The following MDFIC2 variants were observed in gnomAD, a reference collection of about 807,000 sequenced individuals.
MDFIC2 encodes MyoD family inhibitor domain containing 2, also known as myoD family inhibitor domain-containing protein 2.
intron 2 of MDFIC2, among the ~76,000 whole-genome samples, chr3:70,220,909 G>A (rs1452007890): frequency 6.6e-6 from 1 of 152,120 alleles, no homozygotes; most frequent in Non-Finnish European, 1.5e-5. Flanking sequence ...GCATTCCTGA[G>A]CTTAGCACAG....
At chr3:70,200,016 C>T (rs996445866) in intron 3 of MDFIC2, among the ~76,000 whole-genome samples, 1 of 152,138 alleles carries the variant, frequency 6.6e-6, no homozygotes, top group Non-Finnish European at 1.5e-5. Flanking sequence ...CAGATGAATT[C>T]GGCAGAAACC....
At chr3:70,212,326 A>G (rs1406484373) in intron 2 of MDFIC2, among the ~76,000 whole-genome samples, 2 of 152,092 alleles carry the variant, frequency 1.3e-5, no homozygotes, top group African/African-American at 4.8e-5. Context: ...TTCAATTATG[A>G]TGCCTCTTTC....
At chr3:70,233,184 T>C (rs1476858120) in intron 2 of MDFIC2, among the ~76,000 whole-genome samples, 2 of 152,088 alleles carry the variant, frequency 1.3e-5, no homozygotes, top group African/African-American at 2.4e-5. Context: ...GTCTCAGAGT[T>C]TGGGTACTAA....
At chr3:70,215,727 G>T (rs963483359) in intron 2 of MDFIC2, among the ~76,000 whole-genome samples, 1 of 152,076 alleles carries the variant, frequency 6.6e-6, no homozygotes, top group Non-Finnish European at 1.5e-5. Flanking sequence ...AAGCCATTCA[G>T]CTCAATTTCT....
At chr3:70,234,492 T>C (rs1701589546) in intron 2 of MDFIC2, among the ~76,000 whole-genome samples, 1 of 151,650 alleles carries the variant, frequency 6.6e-6, no homozygotes, top group Non-Finnish European at 1.5e-5. Flanking sequence ...CTACAAAAAA[T>C]AGAATAATCA....
chr3:70,298,730 G>A (rs1702316182), intron 2 of MDFIC2, among the ~76,000 whole-genome samples: 1 of 152,016 alleles, frequency 6.6e-6, no homozygotes, highest in East Asian at 1.9e-4. Context: ...TTTATTTGTT[G>A]TAATGAGTGC....
intron 2 of MDFIC2, among the ~76,000 whole-genome samples, chr3:70,284,081 T>G (rs1165874791): frequency 6.6e-6 from 1 of 152,158 alleles, no homozygotes; most frequent in South Asian, 2.1e-4. Context: ...TAAACCTCAG[T>G]TGGACTGGTT....
rs149667817 is a variant in MDFIC2, at chr3:70,265,867, C to G, written c.88+46019G>C. 4.8e-3 allele frequency among the ~76,000 whole-genome samples: 726 copies of G among 152,250 alleles called. 5 individuals are homozygous for G. Among genetic ancestry groups the G allele is most frequent in the African/African-American group, 0.017 (693 of 41,556 alleles). On this transcript the variant is annotated intron_variant, in intron 2 of 3. Coordinates refer to ENST00000567252, the MANE Select transcript of MDFIC2 (RefSeq NM_001364677.1). ...AAATGCCAGACACTTATAAAACCATCAGATCTCATGAGACTCACTCCCTGT... is the reference window on the plus strand; with the variant it reads ...AAATGCCAGACACTTATAAAACCATGAGATCTCATGAGACTCACTCCCTGT...
rs529211682 is a variant in MDFIC2, at chr3:70,270,355, G to C, written c.88+41531C>G. Among the ~76,000 whole-genome samples the C allele has an allele frequency of 7.2e-5, 11 of 152,188 alleles. No homozygotes were observed. The East Asian group carries it at 1.9e-3, about 27-fold the overall frequency. On this transcript the variant is annotated intron_variant, in intron 2 of 3. Transcript: ENST00000567252. ...AGATGTACAAAGAATATATAACCCT[G>C]ATCCCTAAACTAGTATTAAATTTTT...
intron 2 of MDFIC2, among the ~76,000 whole-genome samples, chr3:70,230,399 G>T (rs1340544939): frequency 6.6e-6 from 1 of 152,066 alleles, no homozygotes; most frequent in Non-Finnish European, 1.5e-5. Context: ...GTATATTTGA[G>T]GGCTGGTGTC....
intron 2 of MDFIC2, among the ~76,000 whole-genome samples, chr3:70,240,127 TG>T (rs1701652457): frequency 6.6e-6 from 1 of 152,146 alleles, no homozygotes. Context: ...AAGGACTTAA[TG>T]TAAATTTTTA....
At chr3:70,202,379 T>C (rs1222560626) in intron 3 of MDFIC2, among the ~76,000 whole-genome samples, 1 of 152,184 alleles carries the variant, frequency 6.6e-6, no homozygotes, top group African/African-American at 2.4e-5. Context: ...TTCATACCAG[T>C]GCACTAGTAG....
intron 2 of MDFIC2, among the ~76,000 whole-genome samples, chr3:70,223,154 C>T (rs567016294): frequency 7.9e-5 from 12 of 152,284 alleles, no homozygotes; most frequent in South Asian, 4.1e-4. Flanking sequence ...CTACTCTTTA[C>T]GTCTATTTGT....
chr3:70,247,974 G>A (rs1220143212), intron 2 of MDFIC2, among the ~76,000 whole-genome samples: 1 of 152,032 alleles, frequency 6.6e-6, no homozygotes, highest in Non-Finnish European at 1.5e-5. Context: ...AGAATTTAAT[G>A]CTACAATGAT....
At chr3:70,245,937 G>C (rs1701704020) in intron 2 of MDFIC2, among the ~76,000 whole-genome samples, 1 of 150,816 alleles carries the variant, frequency 6.6e-6, no homozygotes, top group Non-Finnish European at 1.5e-5. Context: ...TCATCCTCTT[G>C]CTCTTCCTGC....
chr3:70,275,199 G>A (rs1702011691), intron 2 of MDFIC2, among the ~76,000 whole-genome samples: 1 of 152,058 alleles, frequency 6.6e-6, no homozygotes, highest in African/African-American at 2.4e-5. Context: ...TATATATTGT[G>A]CTTCTGAATA....
chr3:70,243,175 G>T (rs992724275), intron 2 of MDFIC2, among the ~76,000 whole-genome samples: 1 of 152,040 alleles, frequency 6.6e-6, no homozygotes, highest in South Asian at 2.1e-4. Context: ...AGAGTCTTTG[G>T]CTCATGAACA....
chr3:70,240,330 C>G (rs1184950346), intron 2 of MDFIC2, among the ~76,000 whole-genome samples: 1 of 151,658 alleles, frequency 6.6e-6, no homozygotes, highest in Non-Finnish European at 1.5e-5. Context: ...GCAGAATAAC[C>G]AATTACTTTT....
chr3:70,274,084 TGTGTGTGC>T lies in MDFIC2; in HGVS notation c.88+37794_88+37801del, dbSNP rs1227387309. On this transcript the variant is annotated intron_variant, in intron 2 of 3. Transcript: ENST00000567252. ...GTGTGTGTGTGTGTGTGTGTGTGTG[TGTGTGTGC>T]GCGCGCGCATGTGTGTGTGTGAGAC... is the stretch of plus-strand genomic sequence containing the variant. Among the ~76,000 whole-genome samples, 975 of 148,562 alleles carry T rather than the reference TGTGTGTGC, an allele frequency of 6.6e-3. 14 individuals carry two copies. Among genetic ancestry groups the T allele is most frequent in the African/African-American group, 0.022 (869 of 39,886 alleles).
Sources: allele counts gnomAD v4.1 joint callset (sites outside exome capture counted in the v4.1 genomes callset), GRCh38; gene constraint gnomAD v4.1.1; transcripts MANE v1.5; gene names NCBI Gene and HGNC (gene_info 2026-07-23, HGNC 2026-07-21).